The following KDM4C variants were observed in gnomAD, a reference collection of about 807,000 sequenced individuals.
KDM4C encodes lysine-specific demethylase 4C.
Under a neutral mutation model 129.3 loss-of-function variants are expected in KDM4C, and 81 were observed. The ratio of observed to expected loss-of-function variants is 0.63; its 90% CI spans 0.52 to 0.75. The LOEUF (loss-of-function observed/expected upper bound fraction) is 0.75, where lower values mean the gene tolerates loss of function less well. Among genes scored for constraint, KDM4C ranks in the 30% least tolerant of loss-of-function variants. The probability of loss-of-function intolerance (pLI) is 0.00; values close to 1 mark genes in which losing one functional copy is unlikely to be tolerated. For synonymous variants in KDM4C, 573 were observed against 456.1 expected (o/e 1.26, Z -3.26); for missense variants, 1,457 against 1,304.0 (o/e 1.12, Z -1.81).
chr9:7,131,391 G>C (rs1276797644), intron 19 of KDM4C, among the ~76,000 whole-genome samples: 1 of 152,250 alleles, frequency 6.6e-6, no homozygotes, highest in Non-Finnish European at 1.5e-5. Context: ...TATTGTATTA[G>C]GCAGGGTTCT....
At chr9:6,936,973 A>T (rs768185042) in intron 8 of KDM4C, among the ~76,000 whole-genome samples, 9 of 152,210 alleles carry the variant, frequency 5.9e-5, no homozygotes, top group Non-Finnish European at 1.3e-4. Context: ...TTAGTTACAG[A>T]TTCTAGACCC....
At chr9:7,130,067 T>G (rs776249970) in intron 19 of KDM4C, among the ~76,000 whole-genome samples, 6 of 152,184 alleles carry the variant, frequency 3.9e-5, no homozygotes, top group Non-Finnish European at 8.8e-5. Context: ...AAGCCATTGG[T>G]AGAATGAGGC....
At chr9:6,770,810 C>G (rs373685581) in intron 1 of KDM4C, among the ~76,000 whole-genome samples, 44 of 125,652 alleles carry the variant, frequency 3.5e-4, no homozygotes, top group African/African-American at 1.1e-3. Flanking sequence ...GAATCTCGCT[C>G]TGTCGCTCAG....
At chr9:6,748,005 C>G (rs1023359608) in intron 1 of KDM4C, among the ~76,000 whole-genome samples, 2 of 151,922 alleles carry the variant, frequency 1.3e-5, no homozygotes, top group Non-Finnish European at 2.9e-5. Flanking sequence ...TGGTGAAACC[C>G]TGCCTCCACT....
intron 12 of KDM4C, among the ~76,000 whole-genome samples, chr9:7,011,471 G>A (rs1563978844): frequency 6.6e-6 from 1 of 152,136 alleles, no homozygotes; most frequent in African/African-American, 2.4e-5. Context: ...TACAAAATGA[G>A]GGTGGTTGTC....
At chr9:6,753,868 C>CTTTTTTTTT (rs869158656), upstream of KDM4C, among the ~76,000 whole-genome samples, 13 of 80,374 alleles carry the variant, frequency 1.6e-4, no homozygotes, top group Non-Finnish European at 2.9e-4. Flanking sequence ...TCATTGAATT[C>CTTTTTTTTT]TTTTTTTTTT....
At chr9:6,742,449 T>C (rs1817732283) in intron 1 of KDM4C, among the ~76,000 whole-genome samples, 1 of 152,148 alleles carries the variant, frequency 6.6e-6, no homozygotes, top group South Asian at 2.1e-4. Context: ...ACAGAGTTAG[T>C]TCAGAGAGAC....
chr9:7,059,638 G>C (rs1831337587), intron 17 of KDM4C, among the ~76,000 whole-genome samples: 1 of 152,126 alleles, frequency 6.6e-6, no homozygotes, highest in African/African-American at 2.4e-5. Flanking sequence ...ATTTATGTGT[G>C]TCAAACCACA....
chr9:7,015,605 C>T (rs1365378499), intron 14 of KDM4C, among the ~76,000 whole-genome samples: 1 of 152,090 alleles, frequency 6.6e-6, no homozygotes, highest in Non-Finnish European at 1.5e-5. Flanking sequence ...TGTGTGTGAA[C>T]AAATTAGTAG....
intron 1 of KDM4C, among the ~76,000 whole-genome samples, chr9:6,745,324 G>T (rs1465010316): frequency 6.6e-6 from 1 of 151,948 alleles, no homozygotes; most frequent in Non-Finnish European, 1.5e-5. Context: ...TTAGGCCAGG[G>T]ATGGTGGCTC....
chr9:7,166,038 G>A (rs564918812), intron 20 of KDM4C, among the ~76,000 whole-genome samples: 15 of 152,312 alleles, frequency 9.8e-5, no homozygotes, highest in Middle Eastern at 3.4e-3. Context: ...TGGATAGCAC[G>A]TGCACATTTA....
rs545968999 is a variant in KDM4C at position 6,966,701 on chromosome 9, C to G, written c.922-14224C>G. On this transcript the variant is annotated intron_variant, in intron 8 of 21. Coordinates refer to ENST00000381309, the MANE Select transcript of KDM4C (RefSeq NM_015061.6). Reference sequence around the variant, plus strand: ...TTATATATGGTATTTAGTTTTTTGTCAAAGGCATCCAACCATCCAGTAGGG... The same window carrying G: ...TTATATATGGTATTTAGTTTTTTGTGAAAGGCATCCAACCATCCAGTAGGG... Among the ~76,000 whole-genome samples the G allele has an allele frequency of 7.6e-4, 115 of 152,102 alleles. 1 individual carries two copies. The highest frequency in any genetic ancestry group is 2.7e-3 in the African/African-American group (111 of 41,498).
chr9:6,821,207 A>G (rs764922995), intron 4 of KDM4C, among the ~76,000 whole-genome samples: 3 of 152,206 alleles, frequency 2.0e-5, no homozygotes, highest in Non-Finnish European at 4.4e-5. Flanking sequence ...TTATAGTAGC[A>G]TGATTTATAA....
chr9:6,846,101 G>A (rs1837815394), intron 4 of KDM4C, among the ~76,000 whole-genome samples: 1 of 152,210 alleles, frequency 6.6e-6, no homozygotes, highest in African/African-American at 2.4e-5. Context: ...GAATGCAGCA[G>A]CTTCACGTGT....
chr9:6,836,738 A>G (rs1835952768), intron 4 of KDM4C, among the ~76,000 whole-genome samples: 1 of 152,108 alleles, frequency 6.6e-6, no homozygotes, highest in Admixed American at 6.5e-5. Flanking sequence ...ACCTAACAGT[A>G]TTTCCCAGTT....
chr9:6,880,484 G>T (rs1844268548), intron 6 of KDM4C, among the ~76,000 whole-genome samples: 2 of 152,018 alleles, frequency 1.3e-5, no homozygotes, highest in African/African-American at 4.8e-5. Flanking sequence ...CTGTTGATCT[G>T]CTGTTTCCCC....
chr9:6,778,903 G>A (rs1176474797), intron 1 of KDM4C, among the ~76,000 whole-genome samples: 1 of 150,188 alleles, frequency 6.7e-6, no homozygotes, highest in Non-Finnish European at 1.5e-5. Flanking sequence ...TGTATTTTTA[G>A]TAGAGACAGG....
At chr9:7,109,284 A>T (rs1838046196) in intron 18 of KDM4C, among the ~76,000 whole-genome samples, 1 of 152,218 alleles carries the variant, frequency 6.6e-6, no homozygotes, top group Non-Finnish European at 1.5e-5. Context: ...ATTTTTATAA[A>T]CATGAAGATG....
In KDM4C at chr9:6,986,518, C is replaced by A; in HGVS notation, c.1529C>A (p.Ser510Ter). 6.2e-7 allele frequency: 1 copy of A among 1,614,108 alleles called. No homozygotes were observed. Among genetic ancestry groups the A allele is most frequent in the Non-Finnish European group, 8.5e-7 (1 of 1,180,028 alleles). ...CCATCCGAGCTTTCATGGCCAAAGT[C>A]ACCTGAGTCATGCTCATCAGTGGCA... ...SDPSELSWPK[S>*]PESCSSVAES... Residue 510 changes from serine (S) to a stop codon, truncating the protein, a stop_gained, in exon 11 of 22, where the codon TCA becomes TAA. Transcript: ENST00000381309. LOFTEE classifies it high-confidence loss of function.
Sources: allele counts gnomAD v4.1 joint callset (sites outside exome capture counted in the v4.1 genomes callset), GRCh38; gene constraint gnomAD v4.1.1; transcripts MANE v1.5; gene names NCBI Gene and HGNC (gene_info 2026-07-23, HGNC 2026-07-21).